SNTB1: variants seen among roughly 807,000 people sequenced by gnomAD.
SNTB1 encodes syntrophin beta 1.
Under a neutral mutation model 48.9 loss-of-function variants are expected in SNTB1, and 36 were observed. The ratio of observed to expected loss-of-function variants is 0.74; its 90% CI spans 0.56 to 0.97. The LOEUF (loss-of-function observed/expected upper bound fraction) is 0.97. Ranked by LOEUF, SNTB1 falls within the 50% of genes least tolerant of loss-of-function variation. The pLI is 0.00. For missense variants in SNTB1, 786 were observed against 703.4 expected (o/e 1.12, Z -1.33); for synonymous variants, 299 against 294.6 (o/e 1.01, Z -0.15).
intron 2 of SNTB1, among the ~76,000 whole-genome samples, chr8:120,634,568 G>A (rs1563837024): frequency 6.6e-6 from 1 of 152,140 alleles, no homozygotes; most frequent in Non-Finnish European, 1.5e-5. Flanking sequence ...ATTGGACAAT[G>A]TCTTATGGGG....
chr8:120,783,234 C>A (rs569377625), intron 1 of SNTB1, among the ~76,000 whole-genome samples: 1 of 152,274 alleles, frequency 6.6e-6, no homozygotes, highest in Non-Finnish European at 1.5e-5. Context: ...GGTTGGTTTT[C>A]ACTAACTCAT....
intron 2 of SNTB1, among the ~76,000 whole-genome samples, chr8:120,644,033 T>C (rs78692019): frequency 0.24 from 36,684 of 152,034 alleles, 4,608 homozygotes; most frequent in Middle Eastern, 0.32. Flanking sequence ...AAAACCACCA[T>C]AGAGAAGCTT....
intron 1 of SNTB1, among the ~76,000 whole-genome samples, chr8:120,717,905 A>G (rs1441533069): frequency 1.3e-5 from 2 of 152,244 alleles, no homozygotes; most frequent in Non-Finnish European, 2.9e-5. Flanking sequence ...TGCCACGGAC[A>G]GGCTTGAGAT....
chr8:120,728,782 A>T (rs565617306), intron 1 of SNTB1, among the ~76,000 whole-genome samples: 2 of 152,200 alleles, frequency 1.3e-5, no homozygotes, highest in Non-Finnish European at 2.9e-5. Flanking sequence ...GTTATCGTGA[A>T]TAATGCTGCA....
intron 5 of SNTB1, among the ~76,000 whole-genome samples, chr8:120,547,738 G>A (rs986812888): frequency 6.6e-6 from 1 of 151,756 alleles, no homozygotes; most frequent in Admixed American, 6.6e-5. Context: ...TTCTACCACC[G>A]ACTTGCCCTT....
At chr8:120,646,800 T>G (rs866765613) in intron 2 of SNTB1, among the ~76,000 whole-genome samples, 3 of 152,212 alleles carry the variant, frequency 2.0e-5, no homozygotes, top group South Asian at 2.1e-4. Context: ...GGTTCTGGAC[T>G]CTTTTTGGTT....
intron 3 of SNTB1, among the ~76,000 whole-genome samples, chr8:120,598,342 A>G (rs905396503): frequency 1.3e-5 from 2 of 152,150 alleles, no homozygotes; most frequent in African/African-American, 2.4e-5. Flanking sequence ...CAGAGCCCCT[A>G]TCTGTAACAC....
intron 3 of SNTB1, among the ~76,000 whole-genome samples, chr8:120,599,035 G>GGGC (rs1202393955): frequency 5.3e-5 from 8 of 152,154 alleles, no homozygotes; most frequent in Non-Finnish European, 8.8e-5. Flanking sequence ...ATGGGGCAAT[G>GGGC]TTCACAGGTT....
At chr8:120,662,734 T>A (rs1030944466) in intron 2 of SNTB1, among the ~76,000 whole-genome samples, 7 of 152,022 alleles carry the variant, frequency 4.6e-5, no homozygotes, top group Non-Finnish European at 7.4e-5. Flanking sequence ...CTTGGGCAAT[T>A]TGTATGAGGG....
intron 1 of SNTB1, among the ~76,000 whole-genome samples, chr8:120,799,587 A>G (rs1820181596): frequency 6.6e-6 from 1 of 152,022 alleles, no homozygotes; most frequent in South Asian, 2.1e-4. Flanking sequence ...GAATGAAAAA[A>G]AAATGAATAA....
At chr8:120,633,538 G>A (rs1479102627) in intron 2 of SNTB1, among the ~76,000 whole-genome samples, 1 of 152,172 alleles carries the variant, frequency 6.6e-6, no homozygotes, top group African/African-American at 2.4e-5. Context: ...CCGGGAGGCA[G>A]AAGTTGCAGT....
At chr8:120,759,526 T>C (rs930275273) in intron 1 of SNTB1, among the ~76,000 whole-genome samples, 2 of 152,186 alleles carry the variant, frequency 1.3e-5, no homozygotes, top group African/African-American at 4.8e-5. Flanking sequence ...GAAAGTGGCA[T>C]TACAGTACTG....
chr8:120,727,254 G>C (rs1818772641), intron 1 of SNTB1, among the ~76,000 whole-genome samples: 1 of 152,180 alleles, frequency 6.6e-6, no homozygotes, highest in African/African-American at 2.4e-5. Flanking sequence ...TGCCAGAACT[G>C]AGCTGAGGTG....
intron 4 of SNTB1, among the ~76,000 whole-genome samples, chr8:120,559,133 T>G (rs1815613574): frequency 6.6e-6 from 1 of 152,186 alleles, no homozygotes; most frequent in Non-Finnish European, 1.5e-5. Context: ...CATGCTAATT[T>G]CCAGATTAAT....
rs140998144 is a variant in SNTB1 at position 120,568,145 on chromosome 8, C to A, written c.1136+6941G>T. 1.6e-4 allele frequency among the ~76,000 whole-genome samples: 25 copies of A among 152,224 alleles called. 1 individual carries two copies. In the East Asian group the frequency reaches 4.8e-3, roughly 29 times the overall value. On this transcript the variant is annotated intron_variant, in intron 4 of 6. Transcript: ENST00000517992. ...GATTCTGTTTCCCTTTGAATGCTAC[C>A]ATTTCTGGCATGGACCATCCCCCAC...
intron 3 of SNTB1, among the ~76,000 whole-genome samples, chr8:120,609,087 C>G (rs1297087094): frequency 1.3e-5 from 2 of 151,942 alleles, no homozygotes; most frequent in African/African-American, 4.8e-5. Context: ...ACATATGTGT[C>G]TAAACAAGTA....
intron 1 of SNTB1, among the ~76,000 whole-genome samples, chr8:120,731,025 G>A (rs910115475): frequency 2.0e-5 from 3 of 152,122 alleles, no homozygotes; most frequent in African/African-American, 7.2e-5. Flanking sequence ...GGAGGCTGAG[G>A]CAGGAGAATT....
intron 2 of SNTB1, among the ~76,000 whole-genome samples, chr8:120,638,724 A>G (rs1301498291): frequency 6.6e-6 from 1 of 152,200 alleles, no homozygotes; most frequent in Non-Finnish European, 1.5e-5. Context: ...GTCCCTACAA[A>G]GGACATGAAC....
intron 1 of SNTB1, among the ~76,000 whole-genome samples, chr8:120,719,911 G>T (rs1447649025): frequency 6.6e-6 from 1 of 152,148 alleles, no homozygotes; most frequent in Non-Finnish European, 1.5e-5. Flanking sequence ...TGAATGGCGG[G>T]CAAGGCTCAA....
Sources: allele counts gnomAD v4.1 joint callset (sites outside exome capture counted in the v4.1 genomes callset), GRCh38; gene constraint gnomAD v4.1.1; transcripts MANE v1.5; gene names NCBI Gene and HGNC (gene_info 2026-07-23, HGNC 2026-07-21).